The following ETFDH variants were observed in gnomAD, a reference collection of about 807,000 sequenced individuals.
ETFDH encodes the protein electron transfer flavoprotein dehydrogenase, also known as electron transfer flavoprotein-ubiquinone oxidoreductase, mitochondrial.
Under a neutral mutation model 73.2 loss-of-function variants are expected in ETFDH, and 61 were observed. The ratio of observed to expected loss-of-function variants is 0.83; its 90% confidence interval spans 0.68 to 1.03. ETFDH has a LOEUF of 1.03. Ranked by LOEUF, ETFDH falls within the 50% of genes least tolerant of loss-of-function variation. The pLI, the probability that ETFDH is intolerant of heterozygous loss-of-function variation, is 0.00. For missense variants in ETFDH, 685 were observed against 745.0 expected (o/e 0.92, Z 0.94); for synonymous variants, 243 against 253.3 (o/e 0.96, Z 0.39).
chr4:158,689,979 C>G (rs763074010), intron 5 of ETFDH, among the ~76,000 whole-genome samples: 9 of 152,120 alleles, frequency 5.9e-5, no homozygotes, highest in African/African-American at 1.2e-4. Flanking sequence ...GACAGTTTCT[C>G]TCCACCTTCA....
chr4:158,697,267 G>A (rs1774331547), intron 7 of ETFDH, among the ~76,000 whole-genome samples: 1 of 151,920 alleles, frequency 6.6e-6, no homozygotes, highest in Admixed American at 6.6e-5. Flanking sequence ...GCTAATTTTT[G>A]TAGTTTTAGT....
intron 9 of ETFDH, among the ~76,000 whole-genome samples, chr4:158,699,539 C>T (rs974921942): frequency 6.6e-6 from 1 of 152,138 alleles, no homozygotes; most frequent in African/African-American, 2.4e-5. Context: ...CACTGCACTC[C>T]AGCCTGAGCA....
At position 158,703,406 on chromosome 4, in the gene ETFDH, A is replaced by G; in HGVS notation, c.1117-17A>G. 1 of 1,575,716 alleles carries G rather than the reference A, an allele frequency of 6.3e-7. No homozygotes were observed. The highest frequency in any genetic ancestry group is 8.7e-7 in the Non-Finnish European group (1 of 1,145,196). Reference sequence around the variant, plus strand: ...AATATGAACTAACAAATGTATTCTGAATCTTTGTTTCCTCAGTCTATACCA... The same window carrying G: ...AATATGAACTAACAAATGTATTCTGGATCTTTGTTTCCTCAGTCTATACCA... On this transcript the variant is annotated splice_polypyrimidine_tract_variant and intron_variant, in intron 9 of 12. Coordinates refer to ENST00000511912, the MANE Select transcript of ETFDH (RefSeq NM_004453.4).
chr4:158,681,363 G>A (rs973173611), intron 2 of ETFDH, among the ~76,000 whole-genome samples: 3 of 152,142 alleles, frequency 2.0e-5, no homozygotes, highest in African/African-American at 7.2e-5. Flanking sequence ...TGTACAATGT[G>A]TTTGTGTTTT....
chr4:158,673,336 T>C (rs937775055), intron 1 of ETFDH, among the ~76,000 whole-genome samples: 3 of 152,198 alleles, frequency 2.0e-5, no homozygotes, highest in Admixed American at 1.3e-4. Context: ...CTCTAAGGGC[T>C]TTATCGTGTT....
At chr4:158,705,704 C>T (rs1774591335) in intron 10 of ETFDH, among the ~76,000 whole-genome samples, 2 of 152,196 alleles carry the variant, frequency 1.3e-5, no homozygotes, top group South Asian at 2.1e-4. Flanking sequence ...ATATCTATAT[C>T]TAATGGTTGT....
At chr4:158,678,669 T>TTTTTTG (rs1773770803) in intron 1 of ETFDH, among the ~76,000 whole-genome samples, 1 of 151,258 alleles carries the variant, frequency 6.6e-6, no homozygotes, top group Non-Finnish European at 1.5e-5. Flanking sequence ...TTTTTTTTTT[T>TTTTTTG]GAGACAAGGT....
intron 6 of ETFDH, among the ~76,000 whole-genome samples, chr4:158,695,140 GTATCT>G (rs1312519326): frequency 1.3e-5 from 2 of 152,128 alleles, no homozygotes; most frequent in East Asian, 3.8e-4. Context: ...AAGAGTGTTT[GTATCT>G]TATAACATTG....
At chr4:158,684,985 C>A in intron 4 of ETFDH, 116 bp from the exon 5 acceptor site, 1 of 686,920 alleles carries the variant, frequency 1.5e-6, no homozygotes. Context: ...AAAGTGTGAC[C>A]ATCAATGTAG....
At chr4:158,691,434 C>T (rs924547707) in intron 6 of ETFDH, among the ~76,000 whole-genome samples, 1 of 152,194 alleles carries the variant, frequency 6.6e-6, no homozygotes, top group East Asian at 1.9e-4. Context: ...AAGTAGTTAT[C>T]CCGCCTCAGC....
chr4:158,707,726 T>C (rs1290012147), intron 12 of ETFDH, among the ~76,000 whole-genome samples: 1 of 152,184 alleles, frequency 6.6e-6, no homozygotes, highest in East Asian at 1.9e-4. Flanking sequence ...GCAAGAGTAG[T>C]GATGCTGACA....
chr4:158,706,558 A>G (rs1224241694), intron 11 of ETFDH, 71 bp from the exon 12 acceptor site: 9 of 1,345,576 alleles, frequency 6.7e-6, no homozygotes, highest in Middle Eastern at 2.3e-4. Flanking sequence ...TGAAGTTTTT[A>G]TACAAATAGG....
chr4:158,683,054 A>G (rs997974380), intron 3 of ETFDH, among the ~76,000 whole-genome samples: 1 of 152,166 alleles, frequency 6.6e-6, no homozygotes, highest in African/African-American at 2.4e-5. Flanking sequence ...AAGTCTTTGT[A>G]TGATTGTTCT....
intron 4 of ETFDH, 37 bp from the exon 5 acceptor site, chr4:158,685,064 A>T: frequency 8.1e-7 from 1 of 1,230,238 alleles, no homozygotes; most frequent in South Asian, 1.2e-5. Flanking sequence ...TCTTATCAAT[A>T]AAAAGTCAGA....
rs1773929022 is a variant in ETFDH, at chr4:158,683,838, G to A, written c.406-754G>A. 5.3e-5 allele frequency among the ~76,000 whole-genome samples: 8 copies of A among 152,160 alleles called. No homozygotes were observed. In the South Asian group the frequency reaches 1.7e-3, roughly 32 times the overall value. On this transcript the variant is annotated intron_variant, in intron 3 of 12. Coordinates refer to ENST00000511912, the MANE Select transcript of ETFDH (RefSeq NM_004453.4). Reference sequence around the variant, plus strand: ...CCCAAATTGCTGGGACTACAGGCCTGTGAGCCACCACACAGACTTTGGTGC... The same window carrying A: ...CCCAAATTGCTGGGACTACAGGCCTATGAGCCACCACACAGACTTTGGTGC...
At chr4:158,704,439 C>T (rs1475216331) in intron 10 of ETFDH, among the ~76,000 whole-genome samples, 2 of 152,210 alleles carry the variant, frequency 1.3e-5, no homozygotes, top group African/African-American at 4.8e-5. Context: ...ACTCCCACCT[C>T]ATGGTCTTTG....
intron 9 of ETFDH, among the ~76,000 whole-genome samples, chr4:158,701,198 A>G (rs955466336): frequency 6.6e-6 from 1 of 152,186 alleles, no homozygotes; most frequent in Non-Finnish European, 1.5e-5. Context: ...TTAAGCACCT[A>G]TTTTGGAAGA....
chr4:158,708,245 TAA>T (rs1774689232), intron 12 of ETFDH, 117 bp from the exon 13 acceptor site: 2 of 687,628 alleles, frequency 2.9e-6, no homozygotes, highest in Non-Finnish European at 5.0e-6. Context: ...TCTCTATGGG[TAA>T]GCATTCAGAA....
At chr4:158,702,401 T>G (rs190998733) in intron 9 of ETFDH, among the ~76,000 whole-genome samples, 3 of 152,250 alleles carry the variant, frequency 2.0e-5, no homozygotes, top group East Asian at 1.9e-4. Flanking sequence ...ACAATAGAAC[T>G]TATTCCTCCT....
Sources: gnomAD v4.1 joint callset for allele counts (sites outside exome capture counted in the v4.1 genomes callset) on GRCh38, gnomAD v4.1.1 for gene constraint, MANE v1.5 for transcripts, NCBI Gene and HGNC (gene_info 2026-07-23, HGNC 2026-07-21) for gene names.